CEP72: variants seen among roughly 807,000 people sequenced by gnomAD.
The protein encoded by CEP72 is centrosomal protein of 72 kDa.
Under a neutral mutation model 65.7 loss-of-function variants are expected in CEP72, and 78 were observed. That is an observed-to-expected ratio of 1.19 (90% CI 0.99 to 1.43). The LOEUF (loss-of-function observed/expected upper bound fraction) is 1.43. Ranked by LOEUF, CEP72 falls within the 40% of genes most tolerant of loss-of-function variation. CEP72 has a pLI of 0.00. For synonymous variants in CEP72, 358 were observed against 351.7 expected, an observed-to-expected ratio of 1.02 and a Z score of -0.20; for missense variants, 914 against 832.9, an observed-to-expected ratio of 1.10 and a Z score of -1.20.
chr5:667,941 C>T (rs1214163964), downstream of CEP72, among the ~76,000 whole-genome samples: 1 of 59,396 alleles, frequency 1.7e-5, no homozygotes, highest in Non-Finnish European at 2.8e-5. Context: ...GAGAGGGGGC[C>T]GTGTGGGCGC....
intron 9 of CEP72, chr5:643,464 G>C: frequency 1.0e-6 from 1 of 985,420 alleles, no homozygotes. Context: ...CATGGGCGTC[G>C]GGGGCCTGGC....
At chr5:666,165 C>T (rs1188523238) in intron 4 of CEP72, 2 of 1,594,924 alleles carry the variant, frequency 1.3e-6, no homozygotes, top group South Asian at 2.2e-5. Context: ...GCGGGCCGGC[C>T]CAGGGCTGCC....
At chr5:651,301 CTGTGAGGTGTGACTG>C (rs1739062772) in intron 11 of CEP72, among the ~76,000 whole-genome samples, 1 of 131,414 alleles carries the variant, frequency 7.6e-6, no homozygotes, top group African/African-American at 2.8e-5. Context: ...TGAGGTGTGA[CTGTGAGGTGTGACTG>C]TGAGGCGTGG....
the CEP72 span, chr5:676,568 G>T: frequency 6.6e-6 from 1 of 152,280 alleles, no homozygotes; most frequent in Non-Finnish European, 1.5e-5. Flanking sequence ...ACAGGAGGAC[G>T]CAGGTGCAAA....
intron 1 of CEP72, among the ~76,000 whole-genome samples, chr5:613,678 G>A (rs1318473879): frequency 6.6e-6 from 1 of 152,182 alleles, no homozygotes; most frequent in Non-Finnish European, 1.5e-5. Context: ...TGAGCTGGGG[G>A]TTTTAGAGGA....
downstream of CEP72, among the ~76,000 whole-genome samples, chr5:658,829 T>C (rs905115017): frequency 7.2e-5 from 11 of 151,936 alleles, no homozygotes; most frequent in East Asian, 9.7e-4. Context: ...CCACCACGCC[T>C]GGCTAATTTT....
At chr5:616,166 T>A (rs10046004) in intron 1 of CEP72, among the ~76,000 whole-genome samples, 2,805 of 152,262 alleles carry the variant, frequency 0.018, 81 homozygotes, top group African/African-American at 0.063. Context: ...TTTGAAAAAA[T>A]TTTTTCAGCA....
downstream of CEP72, among the ~76,000 whole-genome samples, chr5:656,602 T>G (rs1013268243): frequency 6.6e-6 from 1 of 152,254 alleles, no homozygotes; most frequent in African/African-American, 2.4e-5. Flanking sequence ...TTCATGGAAA[T>G]TCATTTTTGT....
At chr5:628,686 A>C (rs59428986) in intron 4 of CEP72, among the ~76,000 whole-genome samples, 465 of 19,036 alleles carry the variant, frequency 0.024, 85 homozygotes, top group African/African-American at 0.1. Flanking sequence ...CTCAGGTCAC[A>C]GGCCCCGGGG....
At position 612,427 on chromosome 5, in the gene CEP72, G is replaced by A. The variant is rs1419729329; in HGVS notation, c.66G>A (p.Gly22=). 6.8e-7 allele frequency: 1 copy of A among 1,465,680 alleles called. No homozygotes were observed. The highest frequency in any genetic ancestry group is 1.5e-5 in the African/African-American group (1 of 68,122). 90.8% of individuals were successfully genotyped at this position (1,465,680 alleles called of 1,614,324 possible). The part of the protein sequence containing the change: ...EEAVRAKSGL[G]PHRDLAELQS... ...CGGTTCGGGCGAAGAGCGGCTTAGG[G>A]CCTCACCGCGACCTGGGTGCGCCGG... Residue 22 remains glycine, a synonymous_variant, in exon 1 of 12, where the codon GGG becomes GGA. Transcript: ENST00000264935.
chr5:637,433 C>T, intron 6 of CEP72, 84 bp from the exon 7 acceptor site: 1 of 1,250,846 alleles, frequency 8.0e-7, no homozygotes, highest in Admixed American at 2.0e-5. Flanking sequence ...CATGGGCACA[C>T]ACATGCCTTT....
At chr5:621,599 C>T (rs1736395036) in intron 3 of CEP72, among the ~76,000 whole-genome samples, 2 of 152,206 alleles carry the variant, frequency 1.3e-5, no homozygotes, top group African/African-American at 4.8e-5. Context: ...AAGCTGCACA[C>T]CAGAGGTGGG....
At chr5:620,526 C>T (rs1221162447) in intron 3 of CEP72, among the ~76,000 whole-genome samples, 4 of 152,200 alleles carry the variant, frequency 2.6e-5, no homozygotes, top group African/African-American at 7.2e-5. Context: ...CAGGCTGCTA[C>T]GTCCTGTTCT....
chr5:628,303 G>A (rs940621712), intron 4 of CEP72, among the ~76,000 whole-genome samples: 1 of 152,232 alleles, frequency 6.6e-6, no homozygotes, highest in Non-Finnish European at 1.5e-5. Context: ...TGTCCATACC[G>A]CACAGAGGAG....
chr5:617,590 G>C (rs1027459464), intron 1 of CEP72, among the ~76,000 whole-genome samples: 5 of 152,232 alleles, frequency 3.3e-5, no homozygotes, highest in African/African-American at 1.2e-4. Flanking sequence ...GTGGCAGGGT[G>C]TGGGGGACAA....
downstream of CEP72, among the ~76,000 whole-genome samples, chr5:670,651 C>G (rs1458512306): frequency 6.6e-6 from 1 of 152,152 alleles, no homozygotes; most frequent in African/African-American, 2.4e-5. Flanking sequence ...GCACGTCGCT[C>G]CGAGTTCTCA....
chr5:674,307 G>GA, the CEP72 span, among the ~76,000 whole-genome samples: 1 of 152,060 alleles, frequency 6.6e-6, no homozygotes, highest in African/African-American at 2.4e-5. Context: ...ACGGGGCTGG[G>GA]TCCCCTCCAA....
chr5:668,122 C>CT (rs1486273266), downstream of CEP72, among the ~76,000 whole-genome samples: 3 of 118,484 alleles, frequency 2.5e-5, 1 homozygote, highest in Non-Finnish European at 3.3e-5. Context: ...GACAAGCACA[C>CT]GGAGAGGGGT....
chr5:675,941 C>A, the CEP72 span: 1 of 152,168 alleles, frequency 6.6e-6, no homozygotes, highest in Non-Finnish European at 1.5e-5. Context: ...GTTGGCGGGG[C>A]CACTGGGACT....
Sources: gnomAD v4.1 joint callset for allele counts (sites outside exome capture counted in the v4.1 genomes callset) on GRCh38, gnomAD v4.1.1 for gene constraint, MANE v1.5 for transcripts, NCBI Gene and HGNC (gene_info 2026-07-23, HGNC 2026-07-21) for gene names.